LRRIQ1: variants seen among roughly 807,000 people sequenced by gnomAD.
The protein encoded by LRRIQ1 is leucine-rich repeat- and IQ domain-containing protein 1.
LRRIQ1 carries 210 observed loss-of-function variants against 211.9 expected under a neutral mutation model. The ratio of observed to expected loss-of-function variants is 0.99; its 90% CI spans 0.89 to 1.11. The LOEUF (loss-of-function observed/expected upper bound fraction) is 1.11. LRRIQ1 is among the 50% of genes most tolerant of loss of function. The pLI is 0.00. For synonymous variants in LRRIQ1, 699 were observed against 650.1 expected (o/e 1.08, Z -1.14); for missense variants, 2,136 against 1,939.5 (o/e 1.10, Z -1.90).
chr12:85,244,086 G>A (rs535484688), intron 26 of LRRIQ1, among the ~76,000 whole-genome samples: 2 of 151,502 alleles, frequency 1.3e-5, no homozygotes, highest in African/African-American at 4.8e-5. Flanking sequence ...TTTATGTAAT[G>A]ATATTCAACA....
chr12:85,176,753 A>C (rs898305442), intron 24 of LRRIQ1, among the ~76,000 whole-genome samples: 2 of 151,992 alleles, frequency 1.3e-5, no homozygotes, highest in African/African-American at 4.8e-5. Flanking sequence ...AAAAAATAAA[A>C]AAAAATTTTA....
Position 85,104,047 on chromosome 12 carries a change from A to T in LRRIQ1, c.3253A>T (p.Lys1085Ter). 1.9e-6 allele frequency: 3 copies of T among 1,564,026 alleles called. No homozygotes were observed. The highest frequency in any genetic ancestry group is 2.6e-6 in the Non-Finnish European group (3 of 1,154,880). Residue 1085 changes from lysine (K) to a stop codon, truncating the protein, a stop_gained, in exon 14 of 27, where the codon AAG (lysine) becomes TAG (stop). Transcript: ENST00000393217. LOFTEE classifies it high-confidence loss of function. ...ACTTTTTCATTTTGTTTCATTGGAA[A>T]AGCTAGATGTCAGCCACAATTGTCT... is the stretch of plus-strand genomic sequence containing the variant. ...VPLFHFVSLE[K>*]LDVSHNCLSD... is the part of the protein sequence containing the mutation.
intron 24 of LRRIQ1, among the ~76,000 whole-genome samples, chr12:85,174,379 G>A (rs777328364): frequency 7.2e-5 from 11 of 151,818 alleles, no homozygotes; most frequent in Non-Finnish European, 1.2e-4. Flanking sequence ...ACTCAGTTCA[G>A]GAGGTCCAAC....
chr12:85,247,822 T>C (rs1053853354), downstream of LRRIQ1, among the ~76,000 whole-genome samples: 2 of 140,500 alleles, frequency 1.4e-5, no homozygotes, highest in African/African-American at 5.3e-5. Context: ...GAGTATACTT[T>C]GAACATACTG....
At chr12:85,057,324 C>T (rs1290620667) in intron 8 of LRRIQ1, 140 bp downstream of exon 8, 2 of 718,406 alleles carry the variant, frequency 2.8e-6, no homozygotes, top group East Asian at 6.5e-5. Flanking sequence ...GAAATATTAC[C>T]CCATTTGGGA....
chr12:85,141,045 C>G (rs1889497571), intron 19 of LRRIQ1, among the ~76,000 whole-genome samples: 1 of 151,146 alleles, frequency 6.6e-6, no homozygotes, highest in African/African-American at 2.4e-5. Context: ...ATACAGCTCC[C>G]TCTTCAGGTT....
At chr12:85,207,966 G>T (rs571148812) in intron 24 of LRRIQ1, among the ~76,000 whole-genome samples, 2 of 151,480 alleles carry the variant, frequency 1.3e-5, no homozygotes, top group South Asian at 2.1e-4. Context: ...TGCTTAAATT[G>T]AATATGAAAT....
intron 11 of LRRIQ1, among the ~76,000 whole-genome samples, chr12:85,088,984 A>C (rs1373425869): frequency 6.6e-6 from 1 of 152,166 alleles, no homozygotes; most frequent in Non-Finnish European, 1.5e-5. Context: ...TGTGTTGAAT[A>C]GGAGTGGTGA....
chr12:85,213,951 G>T (rs969533522), intron 24 of LRRIQ1, among the ~76,000 whole-genome samples: 1 of 151,954 alleles, frequency 6.6e-6, no homozygotes, highest in Non-Finnish European at 1.5e-5. Flanking sequence ...AAAAGGGATA[G>T]ATTGACAGAT....
chr12:85,127,111 T>G (rs1309833931), intron 17 of LRRIQ1, among the ~76,000 whole-genome samples: 2 of 152,188 alleles, frequency 1.3e-5, no homozygotes, highest in African/African-American at 4.8e-5. Flanking sequence ...GTTGGGAAAG[T>G]AAAACATTTC....
At position 85,121,093 on chromosome 12, in the gene LRRIQ1, G is replaced by A. The variant is rs973561840; in HGVS notation, c.3378-604G>A. On this transcript the variant is annotated intron_variant, in intron 15 of 26. Transcript: ENST00000393217. ...AGTGATTCTCCTGCCTCAGCCTCCC[G>A]GCTAACTGGGATTACAGGTGCGCAC... 4.5e-4 allele frequency among the ~76,000 whole-genome samples: 69 copies of A among 151,780 alleles called. 1 individual carries two copies. The highest frequency in any genetic ancestry group is 5.3e-4 in the African/African-American group (22 of 41,294).
chr12:85,261,801 A>ATTTG lies in LRRIQ1; in HGVS notation c.122-1111_122-1110insGTTT, dbSNP rs752042225. ...TATTTATTTATTTATTTATTTATTT[A>ATTTG]TTTTTGAGACGGAGTTTGGCTCTTG... is the stretch of plus-strand genomic sequence containing the variant. On this transcript the variant is annotated intron_variant, in intron 1 of 1. Transcript: ENST00000602731. 1.3e-5 allele frequency among the ~76,000 whole-genome samples: 2 copies of ATTTG among 149,020 alleles called. 1 individual carries two copies. The highest frequency in any genetic ancestry group is 5.0e-5 in the African/African-American group (2 of 39,980).
At position 85,052,227 on chromosome 12, in the gene LRRIQ1, GA is replaced by G; in HGVS notation, c.732del (p.Glu245ArgfsTer36). The G allele has an allele frequency of 2.6e-6, 4 of 1,559,282 alleles. No homozygotes were observed. The highest frequency in any genetic ancestry group is 3.5e-6 in the Non-Finnish European group (4 of 1,143,550). On this transcript the variant is annotated frameshift_variant, in exon 7 of 27. Coordinates refer to ENST00000393217, the MANE Select transcript of LRRIQ1 (RefSeq NM_001079910.2). LOFTEE classifies it high-confidence loss of function. ...DELYKEEKIWKEKFKQHEEYI... is the reference protein window; with the variant it reads ...DELYKEEKIWXEKFKQHEEYI... Reference sequence around the variant, plus strand: ...AACTCTATAAAGAAGAGAAAATTTGGAAAGAGAAATTTAAACAGCATGAGGT... The same window carrying G: ...AACTCTATAAAGAAGAGAAAATTTGGAAGAGAAATTTAAACAGCATGAGGT...
chr12:85,261,893 C>T (rs1896307078), intron 1 of LRRIQ1, among the ~76,000 whole-genome samples: 1 of 151,912 alleles, frequency 6.6e-6, no homozygotes, highest in Non-Finnish European at 1.5e-5. Flanking sequence ...CAGGTTCAAG[C>T]GATTACCCTG....
downstream of LRRIQ1, among the ~76,000 whole-genome samples, chr12:85,266,548 G>A (rs547041149): frequency 6.5e-4 from 99 of 152,166 alleles, no homozygotes; most frequent in African/African-American, 2.3e-3. Context: ...AAACTGAAAC[G>A]CTTCATGTGA....
chr12:85,223,632 A>G (rs1247382542), intron 24 of LRRIQ1, among the ~76,000 whole-genome samples: 1 of 152,182 alleles, frequency 6.6e-6, no homozygotes, highest in Non-Finnish European at 1.5e-5. Context: ...ATAGTTTAGA[A>G]GATTTGGGGC....
At chr12:85,258,889 C>T (rs753573263) in intron 1 of LRRIQ1, among the ~76,000 whole-genome samples, 3 of 151,836 alleles carry the variant, frequency 2.0e-5, no homozygotes, top group Admixed American at 6.6e-5. Flanking sequence ...ACCTGTTAAA[C>T]GGTTTTTTAT....
chr12:85,086,378 G>T (rs1287989404), intron 11 of LRRIQ1, among the ~76,000 whole-genome samples: 3 of 151,966 alleles, frequency 2.0e-5, no homozygotes, highest in African/African-American at 7.3e-5. Flanking sequence ...CTGAGTTGTC[G>T]TGAGGTCTGG....
At chr12:85,262,490 CTTCA>C (rs2137342011) in intron 1 of LRRIQ1, among the ~76,000 whole-genome samples, 1 of 151,898 alleles carries the variant, frequency 6.6e-6, no homozygotes, top group Non-Finnish European at 1.5e-5. Flanking sequence ...TGAAAAAGAC[CTTCA>C]TTCAACCGGA....
Sources: gnomAD v4.1 joint callset for allele counts (sites outside exome capture counted in the v4.1 genomes callset) on GRCh38, gnomAD v4.1.1 for gene constraint, MANE v1.5 for transcripts, NCBI Gene and HGNC (gene_info 2026-07-23, HGNC 2026-07-21) for gene names.